Variants in PCBP3 observed in about 807,000 individuals in gnomAD.
PCBP3 encodes the protein poly(rC)-binding protein 3.
Under a neutral mutation model 52.7 loss-of-function variants are expected in PCBP3, and 25 were observed. The observed-to-expected ratio is 0.47, with a 90% CI of 0.35 to 0.66. The LOEUF (loss-of-function observed/expected upper bound fraction) is 0.66, where lower values mean the gene tolerates loss of function less well. PCBP3 is among the 30% of genes least tolerant of loss of function. PCBP3 has a pLI of 0.01. For synonymous variants in PCBP3, 162 were observed against 183.0 expected (o/e 0.89, Z 0.93); for missense variants, 391 against 490.3 (o/e 0.80, Z 1.91).
chr21:45,796,091 C>T (rs1048515967), intron 4 of PCBP3, among the ~76,000 whole-genome samples: 2 of 152,216 alleles, frequency 1.3e-5, no homozygotes, highest in Non-Finnish European at 2.9e-5. Flanking sequence ...CACCACCTGA[C>T]GATCCCCTCT....
intron 2 of PCBP3, among the ~76,000 whole-genome samples, chr21:45,725,761 A>G (rs1298304304): frequency 1.3e-5 from 2 of 151,344 alleles, no homozygotes; most frequent in African/African-American, 2.4e-5. Context: ...AGGGTGGGCA[A>G]GGGAGGACTT....
chr21:45,807,107 A>T (rs1317013085), intron 4 of PCBP3, among the ~76,000 whole-genome samples: 1 of 152,250 alleles, frequency 6.6e-6, no homozygotes. Flanking sequence ...AGCTGGAAGC[A>T]TTCCCTTTGA....
At chr21:45,896,748 A>G (rs2095840962) in intron 6 of PCBP3, among the ~76,000 whole-genome samples, 1 of 149,464 alleles carries the variant, frequency 6.7e-6, no homozygotes, top group African/African-American at 2.5e-5. Flanking sequence ...TCTGTAGGAA[A>G]GGCAGACATG....
At chr21:45,731,295 A>C (rs1438530507) in intron 2 of PCBP3, among the ~76,000 whole-genome samples, 1 of 152,208 alleles carries the variant, frequency 6.6e-6, no homozygotes, top group Non-Finnish European at 1.5e-5. Context: ...CCAGGGATAA[A>C]TCTCCAAAGC....
At chr21:45,668,344 A>G (rs1329688104) in intron 1 of PCBP3, among the ~76,000 whole-genome samples, 1 of 152,178 alleles carries the variant, frequency 6.6e-6, no homozygotes, top group East Asian at 1.9e-4. Flanking sequence ...AAATTAAACA[A>G]TTGTCTTTGT....
chr21:45,833,799 G>A (rs561360890), intron 4 of PCBP3, among the ~76,000 whole-genome samples: 47 of 152,378 alleles, frequency 3.1e-4, no homozygotes, highest in African/African-American at 9.9e-4. Flanking sequence ...GCAGGGTCAC[G>A]GAGGGACCAC....
At chr21:45,690,389 C>T (rs947386850) in intron 2 of PCBP3, among the ~76,000 whole-genome samples, 2 of 152,094 alleles carry the variant, frequency 1.3e-5, no homozygotes, top group East Asian at 1.9e-4. Context: ...ATCTTTCTGA[C>T]CTTGGGGCTT....
At chr21:45,740,525 T>C (rs2086348307) in intron 3 of PCBP3, among the ~76,000 whole-genome samples, 1 of 152,158 alleles carries the variant, frequency 6.6e-6, no homozygotes, top group East Asian at 1.9e-4. Flanking sequence ...ATGACAGAAC[T>C]TTGAAAGTTG....
At chr21:45,696,213 G>C (rs1250559237) in intron 2 of PCBP3, among the ~76,000 whole-genome samples, 2 of 151,860 alleles carry the variant, frequency 1.3e-5, no homozygotes, top group Non-Finnish European at 2.9e-5. Context: ...AAGTGTTAAA[G>C]GAATATAGTA....
At chr21:45,809,094 T>C (rs1294932640) in intron 4 of PCBP3, among the ~76,000 whole-genome samples, 1 of 152,044 alleles carries the variant, frequency 6.6e-6, no homozygotes, top group Non-Finnish European at 1.5e-5. Context: ...ATGTAGATAA[T>C]GGGTTGATGG....
At chr21:45,758,217 CT>C (rs2088262920) in intron 4 of PCBP3, among the ~76,000 whole-genome samples, 1 of 152,190 alleles carries the variant, frequency 6.6e-6, no homozygotes, top group Admixed American at 6.5e-5. Context: ...GTTTTGGATC[CT>C]GGAGATTTAT....
In PCBP3 at chr21:45,849,982, A is replaced by C. The variant is rs1461589719; in HGVS notation, c.-104A>C. 5.2e-6 allele frequency: 6 copies of C among 1,142,868 alleles called. No homozygotes were observed. In the East Asian group the frequency reaches 1.5e-4, roughly 29 times the overall value. 70.8% of individuals were successfully genotyped at this position (1,142,868 alleles called of 1,614,324 possible). A position where few individuals can be genotyped will look rare whatever the true frequency, so the allele number is the denominator to read the frequency against. ...TTAGGTCGGTAGGCTCCACGACAAA[A>C]GTCAACCCTTCTGTAAATCACCTGC... On this transcript the variant is annotated 5_prime_UTR_variant, in exon 5 of 18. Coordinates refer to ENST00000681687, the MANE Select transcript of PCBP3 (RefSeq NM_001384156.1).
intron 4 of PCBP3, among the ~76,000 whole-genome samples, chr21:45,845,380 CAT>C (rs1491402153): frequency 1.3e-5 from 2 of 152,392 alleles, no homozygotes; most frequent in African/African-American, 2.4e-5. Context: ...CCCGTGTGCA[CAT>C]GTGTGTAAGT....
At chr21:45,855,620 T>C (rs73380688) in intron 5 of PCBP3, among the ~76,000 whole-genome samples, 3,576 of 152,340 alleles carry the variant, frequency 0.023, 152 homozygotes, top group African/African-American at 0.08. Context: ...GGGATTTAAA[T>C]GAGACCCAAG....
chr21:45,865,422 C>G (rs1440480174), intron 5 of PCBP3, among the ~76,000 whole-genome samples: 1 of 152,242 alleles, frequency 6.6e-6, no homozygotes, highest in Non-Finnish European at 1.5e-5. Flanking sequence ...TATTCCTTCG[C>G]TTCTATCAGT....
At chr21:45,647,160 T>C (rs2079370590) in intron 1 of PCBP3, among the ~76,000 whole-genome samples, 1 of 152,220 alleles carries the variant, frequency 6.6e-6, no homozygotes, top group Non-Finnish European at 1.5e-5. Flanking sequence ...TTGAGGTGCT[T>C]TTTGTTATGA....
chr21:45,722,709 T>C (rs1325293259), intron 2 of PCBP3, among the ~76,000 whole-genome samples: 1 of 152,028 alleles, frequency 6.6e-6, no homozygotes, highest in East Asian at 1.9e-4. Context: ...AAAATGTATA[T>C]AGGTAAATGT....
intron 4 of PCBP3, among the ~76,000 whole-genome samples, chr21:45,846,933 C>T (rs1053104362): frequency 6.6e-6 from 1 of 152,184 alleles, no homozygotes; most frequent in African/African-American, 2.4e-5. Context: ...CTTTGTGAGC[C>T]AAGTGGAAAT....
chr21:45,772,163 T>C (rs766509214), intron 4 of PCBP3, among the ~76,000 whole-genome samples: 15 of 152,196 alleles, frequency 9.9e-5, no homozygotes, highest in Non-Finnish European at 1.8e-4. Context: ...ATTCCATCTA[T>C]CTTACTGAAG....
Sources: allele counts gnomAD v4.1 joint callset (sites outside exome capture counted in the v4.1 genomes callset), GRCh38; gene constraint gnomAD v4.1.1; transcripts MANE v1.5; gene names NCBI Gene and HGNC (gene_info 2026-07-23, HGNC 2026-07-21).